Variants in MACROD2 observed in about 807,000 individuals in gnomAD.
MACROD2 encodes the protein ADP-ribose glycohydrolase MACROD2.
Under a neutral mutation model 70.4 loss-of-function variants are expected in MACROD2, and 36 were observed. That is an observed-to-expected ratio of 0.51 (90% CI 0.39 to 0.68). The LOEUF is 0.68. Among genes scored for constraint, MACROD2 ranks in the 30% least tolerant of loss-of-function variants. The pLI, the probability that MACROD2 is intolerant of heterozygous loss-of-function variation, is 0.00. For synonymous variants in MACROD2, 172 were observed against 178.8 expected (o/e 0.96, Z 0.30); for missense variants, 496 against 538.4 (o/e 0.92, Z 0.78).
At chr20:14,798,222 T>A (rs962833222) in intron 5 of MACROD2, among the ~76,000 whole-genome samples, 19 of 152,098 alleles carry the variant, frequency 1.2e-4, no homozygotes, top group African/African-American at 4.3e-4. Flanking sequence ...TTACTTTAAA[T>A]GGATTTAGTG....
At chr20:14,864,293 T>C (rs1333623525) in intron 5 of MACROD2, among the ~76,000 whole-genome samples, 24 of 152,094 alleles carry the variant, frequency 1.6e-4, no homozygotes, top group Admixed American at 1.6e-3. Context: ...CAACCTGACT[T>C]TTGTCTTTTA....
At chr20:15,818,816 C>T (rs532993330) in intron 8 of MACROD2, among the ~76,000 whole-genome samples, 4 of 152,276 alleles carry the variant, frequency 2.6e-5, no homozygotes, top group East Asian at 1.9e-4. Flanking sequence ...GCACTGACCA[C>T]GCTCTAATGA....
intron 3 of MACROD2, among the ~76,000 whole-genome samples, chr20:14,176,292 A>G (rs1661559679): frequency 6.6e-6 from 1 of 152,206 alleles, no homozygotes; most frequent in Admixed American, 6.5e-5. Context: ...AAATTCATAA[A>G]ACACATGTAA....
At chr20:14,851,333 T>C (rs2122314820) in intron 5 of MACROD2, among the ~76,000 whole-genome samples, 1 of 152,260 alleles carries the variant, frequency 6.6e-6, no homozygotes, top group East Asian at 1.9e-4. Context: ...GTTTAGTTGC[T>C]AATGAATTTT....
chr20:15,793,819 A>T (rs934783343), intron 8 of MACROD2, among the ~76,000 whole-genome samples: 12 of 147,618 alleles, frequency 8.1e-5, no homozygotes, highest in Non-Finnish European at 1.2e-4. Flanking sequence ...TATAATATAT[A>T]TCATAACATC....
At chr20:14,682,299 A>G (rs1322230835) in intron 4 of MACROD2, among the ~76,000 whole-genome samples, 2 of 152,164 alleles carry the variant, frequency 1.3e-5, no homozygotes, top group Non-Finnish European at 2.9e-5. Context: ...AAAAATTTTC[A>G]TATATAGAGA....
At chr20:15,973,065 T>G (rs1222109648) in intron 13 of MACROD2, among the ~76,000 whole-genome samples, 3 of 152,080 alleles carry the variant, frequency 2.0e-5, no homozygotes, top group Non-Finnish European at 4.4e-5. Flanking sequence ...AGGGTTTTGA[T>G]TAAACTTTGG....
chr20:15,855,907 G>A (rs909617434), intron 8 of MACROD2, among the ~76,000 whole-genome samples: 15 of 151,848 alleles, frequency 9.9e-5, no homozygotes, highest in East Asian at 3.9e-4. Context: ...TGAGTACATC[G>A]TAATTTATCC....
chr20:15,864,297 T>G (rs975087370), intron 9 of MACROD2, among the ~76,000 whole-genome samples: 3 of 152,212 alleles, frequency 2.0e-5, no homozygotes, highest in African/African-American at 7.2e-5. Flanking sequence ...GATTGGTACC[T>G]GTATTTTGAA....
intron 3 of MACROD2, among the ~76,000 whole-genome samples, chr20:14,343,394 A>C (rs2083034733): frequency 6.6e-6 from 1 of 152,174 alleles, no homozygotes; most frequent in Non-Finnish European, 1.5e-5. Flanking sequence ...GAAGACAGGT[A>C]TGTGGCACCC....
intron 6 of MACROD2, among the ~76,000 whole-genome samples, chr20:15,239,006 G>A (rs554581624): frequency 8.5e-5 from 13 of 152,058 alleles, no homozygotes; most frequent in East Asian, 1.9e-4. Flanking sequence ...TGACCTGAGC[G>A]GCAGTTATTA....
At chr20:15,465,619 G>A (rs751546672) in intron 7 of MACROD2, among the ~76,000 whole-genome samples, 1 of 152,284 alleles carries the variant, frequency 6.6e-6, no homozygotes, top group Non-Finnish European at 1.5e-5. Context: ...CGGGCAGGGT[G>A]TTGGGCTTCA....
At chr20:14,054,379 C>T (rs929963133) in intron 2 of MACROD2, among the ~76,000 whole-genome samples, 2 of 151,874 alleles carry the variant, frequency 1.3e-5, no homozygotes, top group African/African-American at 4.8e-5. Context: ...TTTACTGTAG[C>T]AACATCTTAG....
At chr20:15,154,632 C>A (rs1426030297) in intron 5 of MACROD2, among the ~76,000 whole-genome samples, 1 of 152,178 alleles carries the variant, frequency 6.6e-6, no homozygotes, top group Non-Finnish European at 1.5e-5. Context: ...TTTACAGATC[C>A]CGTCTTGTTG....
intron 15 of MACROD2, among the ~76,000 whole-genome samples, chr20:16,018,567 A>AT (rs1473493756): frequency 2.0e-5 from 3 of 152,136 alleles, no homozygotes; most frequent in African/African-American, 7.2e-5. Flanking sequence ...CTTCCCCACC[A>AT]AAATTATCTT....
intron 5 of MACROD2, among the ~76,000 whole-genome samples, chr20:15,049,162 A>G (rs1337942946): frequency 6.6e-6 from 1 of 152,140 alleles, no homozygotes; most frequent in Non-Finnish European, 1.5e-5. Context: ...ACAGGATAAT[A>G]GTAATATTTA....
At chr20:15,693,882 C>T (rs556405955) in intron 8 of MACROD2, among the ~76,000 whole-genome samples, 7 of 144,644 alleles carry the variant, frequency 4.8e-5, no homozygotes, top group South Asian at 4.8e-4. Context: ...CTCTTCCCCC[C>T]GAGTCCCCAA....
At chr20:15,456,516 G>A (rs2046728766) in intron 7 of MACROD2, among the ~76,000 whole-genome samples, 2 of 152,034 alleles carry the variant, frequency 1.3e-5, no homozygotes, top group African/African-American at 4.8e-5. Flanking sequence ...CTCCCTGAAG[G>A]CAAGTAGATA....
At chr20:15,532,958 T>A (rs1213909081) in intron 8 of MACROD2, among the ~76,000 whole-genome samples, 1 of 152,224 alleles carries the variant, frequency 6.6e-6, no homozygotes, top group Non-Finnish European at 1.5e-5. Flanking sequence ...ACAATAATTA[T>A]GTATCCATAG....
Sources: gnomAD v4.1 joint callset for allele counts (sites outside exome capture counted in the v4.1 genomes callset) on GRCh38, gnomAD v4.1.1 for gene constraint, MANE v1.5 for transcripts, NCBI Gene and HGNC (gene_info 2026-07-23, HGNC 2026-07-21) for gene names.